The following TMEFF1 variants were observed in gnomAD, a reference collection of about 807,000 sequenced individuals.
TMEFF1 encodes transmembrane protein with EGF like and two follistatin like domains 1, also known as tomoregulin-1.
Under a neutral mutation model 47.5 loss-of-function variants are expected in TMEFF1, and 20 were observed. The observed-to-expected ratio is 0.42, with a 90% CI of 0.30 to 0.61. The LOEUF (loss-of-function observed/expected upper bound fraction) is 0.61, where lower values mean the gene tolerates loss of function less well. TMEFF1 is among the 20% of genes least tolerant of loss of function. The pLI, the probability that TMEFF1 is intolerant of heterozygous loss-of-function variation, is 0.19. For missense variants in TMEFF1, 411 were observed against 471.1 expected (o/e 0.87, Z 1.18); for synonymous variants, 162 against 166.3 (o/e 0.97, Z 0.20).
intron 8 of TMEFF1, among the ~76,000 whole-genome samples, chr9:100,571,962 A>C (rs879718361): frequency 6.6e-6 from 1 of 152,008 alleles, no homozygotes; most frequent in Non-Finnish European, 1.5e-5. Flanking sequence ...CAGGAGGCGG[A>C]GCTTGGGTGG....
intron 5 of TMEFF1, among the ~76,000 whole-genome samples, chr9:100,523,286 T>A (rs1838199100): frequency 6.6e-6 from 1 of 152,226 alleles, no homozygotes; most frequent in South Asian, 2.1e-4. Context: ...ATTCACCACC[T>A]CTTCTTATAA....
At chr9:100,499,601 G>T (rs1341679775) in intron 2 of TMEFF1, among the ~76,000 whole-genome samples, 1 of 152,098 alleles carries the variant, frequency 6.6e-6, no homozygotes, top group Non-Finnish European at 1.5e-5. Context: ...GTTTTGAGGG[G>T]AAGAAAGGGC....
At chr9:100,514,630 C>G (rs2118379602) in intron 4 of TMEFF1, among the ~76,000 whole-genome samples, 2 of 149,860 alleles carry the variant, frequency 1.3e-5, no homozygotes, top group Middle Eastern at 6.9e-3. Context: ...ATGGGAGGAT[C>G]ACTTGAGCCC....
chr9:100,523,364 G>C (rs959235725), intron 5 of TMEFF1, among the ~76,000 whole-genome samples: 1 of 152,124 alleles, frequency 6.6e-6, no homozygotes, highest in African/African-American at 2.4e-5. Flanking sequence ...TCTTGAAAAA[G>C]CAACCTCTGC....
chr9:100,532,952 A>G (rs1838420662), intron 5 of TMEFF1, among the ~76,000 whole-genome samples: 1 of 152,058 alleles, frequency 6.6e-6, no homozygotes, highest in South Asian at 2.1e-4. Context: ...CATGGATGAA[A>G]TTGGAAATCA....
intron 4 of TMEFF1, among the ~76,000 whole-genome samples, chr9:100,515,009 T>G (rs1838037560): frequency 6.6e-6 from 1 of 151,594 alleles, no homozygotes; most frequent in African/African-American, 2.4e-5. Context: ...AATAAAAAAA[T>G]AAAAAAATTT....
chr9:100,561,680 A>AG (rs1839018757), intron 8 of TMEFF1, among the ~76,000 whole-genome samples, 160 bp downstream of exon 8: 1 of 152,192 alleles, frequency 6.6e-6, no homozygotes. Context: ...GGAAAAAAAA[A>AG]CTGGCAAGTA....
chr9:100,548,764 A>T (rs1234862783), intron 6 of TMEFF1, among the ~76,000 whole-genome samples: 1 of 152,224 alleles, frequency 6.6e-6, no homozygotes, highest in Non-Finnish European at 1.5e-5. Flanking sequence ...CACACTACAC[A>T]ATTGATTGCA....
At chr9:100,509,167 A>T in intron 3 of TMEFF1, 33 bp downstream of exon 3, 2 of 1,432,226 alleles carry the variant, frequency 1.4e-6, no homozygotes, top group Non-Finnish European at 1.8e-6. Context: ...TAAATTTTGG[A>T]AAATATGGTG....
chr9:100,539,006 G>A (rs555880562), intron 5 of TMEFF1, among the ~76,000 whole-genome samples: 102 of 152,212 alleles, frequency 6.7e-4, no homozygotes, highest in African/African-American at 2.4e-3. Context: ...CCAGGTTTAG[G>A]TGATTTTCAT....
chr9:100,511,180 T>C (rs552670379), intron 3 of TMEFF1, among the ~76,000 whole-genome samples: 6 of 152,252 alleles, frequency 3.9e-5, no homozygotes, highest in Non-Finnish European at 7.3e-5. Context: ...TTAAGTACAT[T>C]GTGTTTCACA....
chr9:100,566,590 C>T (rs1466680941), intron 8 of TMEFF1, among the ~76,000 whole-genome samples: 1 of 152,220 alleles, frequency 6.6e-6, no homozygotes, highest in African/African-American at 2.4e-5. Flanking sequence ...ATTGCCAGTG[C>T]TGTTCCTAGT....
chr9:100,517,825 G>T (rs533554521), intron 5 of TMEFF1, among the ~76,000 whole-genome samples: 1 of 152,288 alleles, frequency 6.6e-6, no homozygotes, highest in Admixed American at 6.5e-5. Context: ...ATAGAGAAAT[G>T]ATGAGCAATA....
chr9:100,539,938 C>T (rs1838596616), intron 5 of TMEFF1, among the ~76,000 whole-genome samples: 1 of 152,198 alleles, frequency 6.6e-6, no homozygotes, highest in Admixed American at 6.5e-5. Context: ...CACAAAAGGT[C>T]TCCAAGTCCC....
intron 1 of TMEFF1, among the ~76,000 whole-genome samples, chr9:100,476,105 A>G (rs1484958614): frequency 1.3e-5 from 2 of 152,160 alleles, no homozygotes; most frequent in African/African-American, 2.4e-5. Context: ...ATAAATGTCA[A>G]TAAATTAAGC....
chr9:100,513,931 AT>A (rs544431522), intron 4 of TMEFF1, among the ~76,000 whole-genome samples: 1 of 152,182 alleles, frequency 6.6e-6, no homozygotes, highest in Non-Finnish European at 1.5e-5. Flanking sequence ...TTTTGATTTT[AT>A]TTTACAAATA....
chr9:100,576,223 C>T (rs1839350269), intron 9 of TMEFF1, among the ~76,000 whole-genome samples: 1 of 152,116 alleles, frequency 6.6e-6, no homozygotes, highest in African/African-American at 2.4e-5. Flanking sequence ...GGTGGGATAT[C>T]TGTCAGGGAT....
At chr9:100,530,527 C>CT (rs1406950089) in intron 5 of TMEFF1, among the ~76,000 whole-genome samples, 1 of 152,308 alleles carries the variant, frequency 6.6e-6, no homozygotes, top group East Asian at 1.9e-4. Context: ...CCTCCCAAGA[C>CT]TAAATCAGGA....
At chr9:100,529,159 A>G (rs1447819824) in intron 5 of TMEFF1, among the ~76,000 whole-genome samples, 34 of 149,488 alleles carry the variant, frequency 2.3e-4, no homozygotes, top group South Asian at 1.9e-3. Flanking sequence ...AAAGACCATC[A>G]AGACTAGGAA....
Sources: gnomAD v4.1 joint callset for allele counts (sites outside exome capture counted in the v4.1 genomes callset) on GRCh38, gnomAD v4.1.1 for gene constraint, MANE v1.5 for transcripts, NCBI Gene and HGNC (gene_info 2026-07-23, HGNC 2026-07-21) for gene names.